GAB2: variants seen among roughly 807,000 people sequenced by gnomAD.
GAB2 encodes the protein GRB2 associated binding protein 2.
A neutral mutation model predicts 65.5 loss-of-function variants in GAB2; 26 were observed. The ratio of observed to expected loss-of-function variants is 0.40; its 90% CI spans 0.29 to 0.55. The LOEUF is 0.55. GAB2 is among the 20% of genes least tolerant of loss of function. The pLI, the probability that GAB2 is intolerant of heterozygous loss-of-function variation, is 0.53. For synonymous variants in GAB2, 321 were observed against 329.6 expected, an observed-to-expected ratio of 0.97 and a Z score of 0.28; for missense variants, 884 against 875.8, an observed-to-expected ratio of 1.01 and a Z score of -0.12.
intron 1 of GAB2, among the ~76,000 whole-genome samples, chr11:78,346,140 T>A (rs1276072612): frequency 6.6e-6 from 1 of 152,100 alleles, no homozygotes; most frequent in Non-Finnish European, 1.5e-5. Context: ...AAAATAACTT[T>A]AAAAATAACA....
At chr11:78,315,126 G>A (rs1247051318) in intron 1 of GAB2, among the ~76,000 whole-genome samples, 2 of 152,160 alleles carry the variant, frequency 1.3e-5, no homozygotes, top group East Asian at 3.8e-4. Flanking sequence ...AGGAAGGAGA[G>A]TAAAAGGGCA....
intron 1 of GAB2, among the ~76,000 whole-genome samples, chr11:78,320,327 T>G (rs1443726467): frequency 6.6e-6 from 1 of 152,202 alleles, no homozygotes; most frequent in Non-Finnish European, 1.5e-5. Flanking sequence ...TGTACCATCA[T>G]GCCCAGCTAA....
At chr11:78,295,060 C>G (rs1866790294) in intron 1 of GAB2, among the ~76,000 whole-genome samples, 1 of 152,142 alleles carries the variant, frequency 6.6e-6, no homozygotes, top group Admixed American at 6.5e-5. Context: ...ACAACCCCAT[C>G]AAAAAGTTGA....
At chr11:78,360,736 T>C (rs1856423627) in intron 1 of GAB2, among the ~76,000 whole-genome samples, 1 of 151,950 alleles carries the variant, frequency 6.6e-6, no homozygotes, top group Non-Finnish European at 1.5e-5. Flanking sequence ...CATGTCCCTG[T>C]TAATCCCAGC....
At chr11:78,411,669 A>T (rs1857130528) in intron 1 of GAB2, among the ~76,000 whole-genome samples, 1 of 152,190 alleles carries the variant, frequency 6.6e-6, no homozygotes, top group South Asian at 2.1e-4. Flanking sequence ...CACATCTTAC[A>T]TGAAAATTAA....
chr11:78,380,469 G>C (rs1273989429), intron 1 of GAB2, among the ~76,000 whole-genome samples: 1 of 152,178 alleles, frequency 6.6e-6, no homozygotes, highest in African/African-American at 2.4e-5. Context: ...CTCCCAAAGT[G>C]CTGGGATTAC....
At chr11:78,322,447 T>C (rs568412945) in intron 1 of GAB2, among the ~76,000 whole-genome samples, 5 of 150,516 alleles carry the variant, frequency 3.3e-5, no homozygotes, top group Admixed American at 1.3e-4. Flanking sequence ...AAAACAAAAA[T>C]TGACAAGTGG....
Position 78,305,623 on chromosome 11 carries a change from TAAG to T in GAB2, c.76-24725_76-24723del, listed in dbSNP as rs559345162. ...ATAAAGCACCAGGACCTTTTCATCT[TAAG>T]AAGTGAAAAATCCCTGGTCTTTTTA... On this transcript the variant is annotated intron_variant, in intron 1 of 9. Transcript: ENST00000361507. Among the ~76,000 whole-genome samples the T allele has an allele frequency of 1.2e-4, 19 of 152,348 alleles. No homozygotes were observed. The South Asian group carries it at 3.9e-3, about 32-fold the overall frequency.
intron 1 of GAB2, among the ~76,000 whole-genome samples, chr11:78,360,628 C>T (rs961537631): frequency 1.3e-5 from 2 of 152,046 alleles, no homozygotes; most frequent in Non-Finnish European, 2.9e-5. Flanking sequence ...GAGGCTGAGG[C>T]AGGTGGATCG....
intron 1 of GAB2, among the ~76,000 whole-genome samples, chr11:78,407,746 GAAAA>G (rs369487376): frequency 7.9e-6 from 1 of 126,286 alleles, no homozygotes; most frequent in African/African-American, 2.8e-5. Context: ...AAGAAAGAAA[GAAAA>G]AGAAAGAAAG....
chr11:78,327,622 A>G, intron 1 of GAB2, among the ~76,000 whole-genome samples: 1 of 152,184 alleles, frequency 6.6e-6, no homozygotes, highest in East Asian at 1.9e-4. Flanking sequence ...ATGAGAATGA[A>G]AAGGTAGGTT....
chr11:78,415,332 T>G (rs1857182066), intron 1 of GAB2, among the ~76,000 whole-genome samples: 2 of 152,222 alleles, frequency 1.3e-5, no homozygotes, highest in South Asian at 4.1e-4. Flanking sequence ...AGCAGCTACT[T>G]TGGGGTAAAT....
At chr11:78,410,399 G>A (rs191500475) in intron 1 of GAB2, among the ~76,000 whole-genome samples, 84 of 152,320 alleles carry the variant, frequency 5.5e-4, no homozygotes, top group African/African-American at 1.8e-3. Flanking sequence ...AGCTGCTCGG[G>A]AGGCTGAGGC....
rs533877057 is a variant in GAB2 at position 78,392,988 on chromosome 11, T to C, written c.75+24658A>G. ...GTTAGAAAAGAAAGATGACTATCCT[T>C]GAGAAGTCCCCATAATTAAGAGAAG... On this transcript the variant is annotated intron_variant, in intron 1 of 9. Coordinates refer to ENST00000361507, the MANE Select transcript of GAB2 (RefSeq NM_080491.3). Among the ~76,000 whole-genome samples the C allele has an allele frequency of 2.0e-5, 3 of 152,302 alleles. No individual in the cohort carries two copies. The South Asian group carries it at 6.2e-4, about 32-fold the overall frequency.
At chr11:78,338,701 G>A (rs1029849812) in intron 1 of GAB2, among the ~76,000 whole-genome samples, 1 of 152,134 alleles carries the variant, frequency 6.6e-6, no homozygotes, top group Non-Finnish European at 1.5e-5. Flanking sequence ...AAAAAAACCA[G>A]ATATCTTAAT....
At position 78,291,555 on chromosome 11, in the gene GAB2, C is replaced by CTTTTTTTTTTTTTTTTTTTTTT; in HGVS notation, c.76-10655_76-10654insAAAAAAAAAAAAAAAAAAAAAA. ...CCTATCTTGAGAGACTTACTTTTTTCTTTTTCTTTTTTTTTTTTTTTTTTT... is the reference window on the plus strand; with the variant it reads ...CCTATCTTGAGAGACTTACTTTTTTCTTTTTTTTTTTTTTTTTTTTTTTTTTTCTTTTTTTTTTTTTTTTTTT... On this transcript the variant is annotated intron_variant, in intron 1 of 9. Transcript: ENST00000361507. Among the ~76,000 whole-genome samples the CTTTTTTTTTTTTTTTTTTTTTT allele has an allele frequency of 5.4e-5, 3 of 55,046 alleles. 1 individual carries two copies. Among genetic ancestry groups the CTTTTTTTTTTTTTTTTTTTTTT allele is most frequent in the Non-Finnish European group, 1.0e-4 (3 of 28,942 alleles). The allele number at this position is 55,046 out of a possible 152,430, so 36.1% of individuals were successfully genotyped here. A position where few individuals can be genotyped will look rare whatever the true frequency, so the allele number is the denominator to read the frequency against.
chr11:78,238,923 A>ACAAAAAT (rs1363786444), intron 3 of GAB2, among the ~76,000 whole-genome samples: 2 of 152,198 alleles, frequency 1.3e-5, no homozygotes, highest in Non-Finnish European at 2.9e-5. Flanking sequence ...AACAACAACA[A>ACAAAAAT]CAAAAATCAA....
chr11:78,216,126 C>A lies in GAB2; in HGVS notation c.*3146G>T, dbSNP rs1864132568. ...AGCTGAGCACCAGCTGTGGATGGGA[C>A]CTCAGCGCAGCTAATCCAACCTCCC... is the stretch of plus-strand genomic sequence containing the variant. On this transcript the variant is annotated 3_prime_UTR_variant, in exon 10 of 10. Coordinates refer to ENST00000361507, the MANE Select transcript of GAB2 (RefSeq NM_080491.3). 1.3e-5 allele frequency: 2 copies of A among 152,788 alleles called. No homozygotes were observed. Among genetic ancestry groups the A allele is most frequent in the East Asian group, 3.9e-4 (2 of 5,180 alleles). The allele number at this position is 152,788 out of a possible 1,614,324, so 9.5% of individuals were successfully genotyped here.
intron 1 of GAB2, among the ~76,000 whole-genome samples, chr11:78,300,526 A>AAAAAAAAC (rs768693943): frequency 1.4e-5 from 2 of 145,414 alleles, no homozygotes; most frequent in Non-Finnish European, 1.5e-5. Context: ...TAAAAAAACA[A>AAAAAAAAC]AAAAACAAAA....
Sources: gnomAD v4.1 joint callset for allele counts (sites outside exome capture counted in the v4.1 genomes callset) on GRCh38, gnomAD v4.1.1 for gene constraint, MANE v1.5 for transcripts, NCBI Gene and HGNC (gene_info 2026-07-23, HGNC 2026-07-21) for gene names.